The following CCSER1 variants were observed in gnomAD, a reference collection of about 807,000 sequenced individuals.
CCSER1 encodes coiled-coil serine rich protein 1.
A neutral mutation model predicts 82.0 loss-of-function variants in CCSER1; 41 were observed. The observed-to-expected ratio is 0.50, with a 90% CI of 0.39 to 0.65. CCSER1 has a LOEUF of 0.65. Ranked by LOEUF, CCSER1 falls within the 30% of genes least tolerant of loss-of-function variation. The probability of loss-of-function intolerance (pLI) is 0.00; values close to 1 mark genes in which losing one functional copy is unlikely to be tolerated. For synonymous variants in CCSER1, 414 were observed against 383.9 expected, an observed-to-expected ratio of 1.08 and a Z score of -0.92; for missense variants, 1,119 against 1,064.2, an observed-to-expected ratio of 1.05 and a Z score of -0.72.
intron 1 of CCSER1, among the ~76,000 whole-genome samples, chr4:90,153,001 C>T (rs1192191353): frequency 2.0e-5 from 3 of 150,378 alleles, no homozygotes; most frequent in Non-Finnish European, 4.4e-5. Context: ...CGTCATTTAG[C>T]ATTAGGTATA....
chr4:91,162,944 T>G (rs1432981907), intron 10 of CCSER1, among the ~76,000 whole-genome samples: 2 of 152,208 alleles, frequency 1.3e-5, no homozygotes, highest in African/African-American at 4.8e-5. Flanking sequence ...AGTTCTGCTC[T>G]GATCTTAGTT....
intron 10 of CCSER1, among the ~76,000 whole-genome samples, chr4:91,350,531 C>T (rs1254849869): frequency 6.6e-6 from 1 of 152,080 alleles, no homozygotes; most frequent in Non-Finnish European, 1.5e-5. Context: ...GAACAACTAT[C>T]ACCAGAGGAA....
chr4:91,134,751 A>C (rs577311194), intron 10 of CCSER1, among the ~76,000 whole-genome samples: 1 of 152,232 alleles, frequency 6.6e-6, no homozygotes, highest in South Asian at 2.1e-4. Flanking sequence ...TTGAGAAAGG[A>C]ATATTTTCAG....
chr4:90,630,093 G>C (rs1009491307), intron 6 of CCSER1, among the ~76,000 whole-genome samples: 1 of 152,092 alleles, frequency 6.6e-6, no homozygotes, highest in African/African-American at 2.4e-5. Context: ...TGGCAAGCCT[G>C]TTGTTAAATA....
intron 6 of CCSER1, among the ~76,000 whole-genome samples, chr4:90,682,678 G>A (rs1043739888): frequency 3.9e-5 from 6 of 151,938 alleles, no homozygotes; most frequent in African/African-American, 1.4e-4. Flanking sequence ...ACAGAAAAAA[G>A]AAGTGCTTCT....
chr4:91,283,998 T>C (rs907645783), intron 10 of CCSER1, among the ~76,000 whole-genome samples: 1 of 152,076 alleles, frequency 6.6e-6, no homozygotes, highest in Admixed American at 6.6e-5. Flanking sequence ...TTGTAGTAAA[T>C]GGTTCCCTTT....
rs141574391 is a variant in CCSER1 at position 91,070,809 on chromosome 4, C to T, written c.2173-15141C>T. 7.0e-3 allele frequency among the ~76,000 whole-genome samples: 1,070 copies of T among 152,220 alleles called. 16 individuals carry two copies. The highest frequency in any genetic ancestry group is 0.023 in the African/African-American group (947 of 41,506). ...GTGCCAAAAAGGTTGGGAACCGCCGCTCTACAAGAGAGTCTGGTATTAACA... is the reference window on the plus strand; with the variant it reads ...GTGCCAAAAAGGTTGGGAACCGCCGTTCTACAAGAGAGTCTGGTATTAACA... On this transcript the variant is annotated intron_variant, in intron 9 of 10. Transcript: ENST00000509176.
At chr4:91,329,319 G>A (rs1194688753) in intron 10 of CCSER1, among the ~76,000 whole-genome samples, 1 of 152,154 alleles carries the variant, frequency 6.6e-6, no homozygotes, top group East Asian at 1.9e-4. Context: ...TCTAATTTCT[G>A]ATGCTGTGTG....
At chr4:91,163,059 G>T (rs565045801) in intron 10 of CCSER1, among the ~76,000 whole-genome samples, 1 of 152,088 alleles carries the variant, frequency 6.6e-6, no homozygotes, top group Non-Finnish European at 1.5e-5. Context: ...GCTTTCTCTT[G>T]TGGGCATTTA....
At chr4:91,352,007 C>A (rs1748503791) in intron 10 of CCSER1, among the ~76,000 whole-genome samples, 1 of 151,906 alleles carries the variant, frequency 6.6e-6, no homozygotes, top group Admixed American at 6.6e-5. Context: ...CAAAAATCAA[C>A]CAAAGGGGCA....
chr4:90,406,473 G>A (rs188276544), intron 4 of CCSER1, among the ~76,000 whole-genome samples: 1,544 of 152,238 alleles, frequency 0.01, 16 homozygotes, highest in South Asian at 0.03. Flanking sequence ...AGTCAGCAAA[G>A]AAACAATGGA....
chr4:91,221,625 C>T (rs1452249751), intron 10 of CCSER1, among the ~76,000 whole-genome samples: 1 of 152,118 alleles, frequency 6.6e-6, no homozygotes, highest in African/African-American at 2.4e-5. Flanking sequence ...TCAGGTCAAA[C>T]ACATATAGTT....
At chr4:90,135,828 A>G (rs972359577) in intron 1 of CCSER1, among the ~76,000 whole-genome samples, 2 of 152,184 alleles carry the variant, frequency 1.3e-5, no homozygotes, top group African/African-American at 4.8e-5. Context: ...AAAAATAATC[A>G]TGCACCTCTT....
intron 9 of CCSER1, among the ~76,000 whole-genome samples, chr4:91,081,599 A>ATCTT (rs1722754043): frequency 6.6e-6 from 1 of 152,164 alleles, no homozygotes; most frequent in Non-Finnish European, 1.5e-5. Context: ...AGGGTATTCA[A>ATCTT]TTAGGAAAAG....
rs751590705 is a variant in CCSER1 at position 91,601,022 on chromosome 4, T to C, written c.*1965T>C. ...GGAATTCAGCTTGATTTGTCCTAAA[T>C]GTTGGTGTCTGTTGCTAGAGTATTT... is the stretch of plus-strand genomic sequence containing the variant. On this transcript the variant is annotated 3_prime_UTR_variant, in exon 11 of 11. Coordinates refer to ENST00000509176, the MANE Select transcript of CCSER1 (RefSeq NM_001145065.2). 1.2e-4 allele frequency: 18 copies of C among 152,134 alleles called. No individual in the cohort carries two copies. Among genetic ancestry groups the C allele is most frequent in the Non-Finnish European group, 1.2e-4 (8 of 68,002 alleles). The allele number at this position is 152,134 out of a possible 1,614,324, so 9.4% of individuals were successfully genotyped here. A position where few individuals can be genotyped will look rare whatever the true frequency, so the allele number is the denominator to read the frequency against.
At chr4:90,318,387 C>T (rs1736543337) in intron 3 of CCSER1, among the ~76,000 whole-genome samples, 1 of 152,144 alleles carries the variant, frequency 6.6e-6, no homozygotes, top group African/African-American at 2.4e-5. Flanking sequence ...CAAAGTTGCC[C>T]TGTACTATTT....
chr4:90,739,069 T>C (rs1218720270), intron 7 of CCSER1, among the ~76,000 whole-genome samples: 1 of 152,232 alleles, frequency 6.6e-6, no homozygotes, highest in Non-Finnish European at 1.5e-5. Context: ...GTGAATGTGC[T>C]GGGTCACACC....
chr4:90,876,774 A>C (rs1161446684), intron 8 of CCSER1, among the ~76,000 whole-genome samples: 1 of 152,110 alleles, frequency 6.6e-6, no homozygotes, highest in East Asian at 1.9e-4. Context: ...CTTTCAATAC[A>C]GTTCAATTAT....
chr4:90,946,288 A>C (rs989835201), intron 9 of CCSER1, among the ~76,000 whole-genome samples: 1 of 152,168 alleles, frequency 6.6e-6, no homozygotes, highest in Non-Finnish European at 1.5e-5. Context: ...TGACTTATGT[A>C]ATCTTAAAAA....
Sources: allele counts gnomAD v4.1 joint callset (sites outside exome capture counted in the v4.1 genomes callset), GRCh38; gene constraint gnomAD v4.1.1; transcripts MANE v1.5; gene names NCBI Gene and HGNC (gene_info 2026-07-23, HGNC 2026-07-21).